TTL: variants seen among roughly 807,000 people sequenced by gnomAD.
TTL encodes the protein tubulin tyrosine ligase.
A neutral mutation model predicts 41.1 loss-of-function variants in TTL; 10 were observed. That is an observed-to-expected ratio of 0.24 (90% CI 0.15 to 0.41). TTL has a LOEUF of 0.41. Among genes scored for constraint, TTL ranks in the 10% least tolerant of loss-of-function variants. The pLI, the probability that TTL is intolerant of heterozygous loss-of-function variation, is 1.00. For missense variants in TTL, 367 were observed against 460.4 expected (o/e 0.80, Z 1.86); for synonymous variants, 175 against 175.5 (o/e 1.00, Z 0.02).
At chr2:112,515,417 T>C (rs558175953) in intron 5 of TTL, among the ~76,000 whole-genome samples, 14 of 152,126 alleles carry the variant, frequency 9.2e-5, no homozygotes, top group African/African-American at 3.4e-4. Flanking sequence ...TTCTATTGTC[T>C]CTTTTTTCTC....
intron 2 of TTL, among the ~76,000 whole-genome samples, chr2:112,490,700 T>A (rs1330032307): frequency 6.7e-6 from 1 of 148,638 alleles, no homozygotes; most frequent in Non-Finnish European, 1.5e-5. Flanking sequence ...GCCTCCCAAG[T>A]AGCTGGGATT....
At chr2:112,485,867 C>T (rs376010029) in intron 1 of TTL, 50 bp from the exon 2 acceptor site, 1 of 1,524,532 alleles carries the variant, frequency 6.6e-7, no homozygotes, top group Admixed American at 1.7e-5. Flanking sequence ...TGTCCTCTCT[C>T]CTGCTTGCTG....
chr2:112,497,042 G>A (rs1362846175), intron 3 of TTL, among the ~76,000 whole-genome samples: 10 of 151,864 alleles, frequency 6.6e-5, no homozygotes, highest in Non-Finnish European at 1.5e-4. Flanking sequence ...GGATGGTCTC[G>A]ATCTCCTGAC....
In TTL at chr2:112,541,388, G is replaced by A. The variant is rs768183794; in HGVS notation, c.*12593G>A. The A allele has an allele frequency of 6.6e-6, 1 of 152,214 alleles. No individual in the cohort carries two copies. Among genetic ancestry groups the A allele is most frequent in the African/African-American group, 2.4e-5 (1 of 41,432 alleles). 9.4% of individuals were successfully genotyped at this position (152,214 alleles called of 1,614,324 possible). A position where few individuals can be genotyped will look rare whatever the true frequency, so the allele number is the denominator to read the frequency against. The stretch of plus-strand genomic sequence containing the variant: ...TGGCCGGGCGCGCGCGGTGGCTCAT[G>A]CCTGTAATCCCAGCATTTAGGGAGG... On this transcript the variant is annotated 3_prime_UTR_variant, in exon 7 of 7. Transcript: ENST00000233336.
chr2:112,482,561 G>C lies in TTL; in HGVS notation c.157+60G>C, dbSNP rs1681120020. 2 of 1,509,216 alleles carry C rather than the reference G, an allele frequency of 1.3e-6. No individual in the cohort carries two copies. The highest frequency in any genetic ancestry group is 1.8e-6 in the Non-Finnish European group (2 of 1,124,652). 93.5% of individuals were successfully genotyped at this position (1,509,216 alleles called of 1,614,324 possible). ...GGAGCGGCCCTGCGCGCCTCCCGCGGCCCGTTAGAACCGGCGCTTTTGTTT... is the reference window on the plus strand; with the variant it reads ...GGAGCGGCCCTGCGCGCCTCCCGCGCCCCGTTAGAACCGGCGCTTTTGTTT... On this transcript the variant is annotated intron_variant, in intron 1 of 6. Transcript: ENST00000233336. The surrounding 1 kb of genome is among the most constrained non-coding windows in gnomAD (Gnocchi z 5.3).
At chr2:112,490,741 T>TTTTG (rs1681360749) in intron 2 of TTL, among the ~76,000 whole-genome samples, 1 of 151,224 alleles carries the variant, frequency 6.6e-6, no homozygotes, top group African/African-American at 2.4e-5. Context: ...CTGGCTAGTT[T>TTTTG]TTTGTATTTT....
rs973196983 is a variant in TTL at position 112,496,599 on chromosome 2, G to A, written c.469+2224G>A. On this transcript the variant is annotated intron_variant, in intron 3 of 6. Coordinates refer to ENST00000233336, the MANE Select transcript of TTL (RefSeq NM_153712.5). ...ACTATTACAGATAACAGTAGTAAAT[G>A]TCTTTGCTGTAGATGACCCTTGTTT... Among the ~76,000 whole-genome samples, 6 of 150,572 alleles carry A rather than the reference G, an allele frequency of 4.0e-5. No individual in the cohort carries two copies. The South Asian group carries it at 6.3e-4, about 16-fold the overall frequency.
intron 6 of TTL, among the ~76,000 whole-genome samples, chr2:112,525,634 T>A (rs1682352556): frequency 6.6e-6 from 1 of 152,224 alleles, no homozygotes; most frequent in Admixed American, 6.5e-5. Flanking sequence ...GCACATCAAT[T>A]TTGTATCCTG....
At chr2:112,495,841 A>G (rs1320901198) in intron 3 of TTL, among the ~76,000 whole-genome samples, 1 of 146,316 alleles carries the variant, frequency 6.8e-6, no homozygotes, top group Non-Finnish European at 1.5e-5. Context: ...CTCCTTCTCA[A>G]AAATTAAAAA....
chr2:112,529,024 A>G lies in TTL; in HGVS notation c.*229A>G, dbSNP rs147516566. ...AGTGCTGTTGAGACTTTTGAAAACAACTTTGGTACACAAAGGCAGCTTTGT... is the reference window on the plus strand; with the variant it reads ...AGTGCTGTTGAGACTTTTGAAAACAGCTTTGGTACACAAAGGCAGCTTTGT... On this transcript the variant is annotated 3_prime_UTR_variant, in exon 7 of 7. Coordinates refer to ENST00000233336, the MANE Select transcript of TTL (RefSeq NM_153712.5). 83 of 558,786 alleles carry G rather than the reference A, an allele frequency of 1.5e-4. No homozygotes were observed. The highest frequency in any genetic ancestry group is 1.4e-3 in the African/African-American group (73 of 53,174). The allele number at this position is 558,786 out of a possible 1,614,324, so 34.6% of individuals were successfully genotyped here. A position where few individuals can be genotyped will look rare whatever the true frequency, so the allele number is the denominator to read the frequency against.
intron 2 of TTL, among the ~76,000 whole-genome samples, chr2:112,492,304 GGCCTGAC>G (rs1384896725): frequency 1.3e-4 from 20 of 152,300 alleles, no homozygotes; most frequent in African/African-American, 4.8e-4. Context: ...TTAAATTTTA[GGCCTGAC>G]CCAGTGGCTC....
At chr2:112,493,048 AATTT>A (rs1229096570) in intron 2 of TTL, among the ~76,000 whole-genome samples, 3 of 152,226 alleles carry the variant, frequency 2.0e-5, no homozygotes, top group African/African-American at 7.2e-5. Context: ...GTGAGTTAAA[AATTT>A]ATTTATTTTG....
chr2:112,501,459 C>A (rs982244848), intron 4 of TTL, 118 bp downstream of exon 4: 12 of 827,736 alleles, frequency 1.4e-5, no homozygotes, highest in Non-Finnish European at 2.1e-5. Flanking sequence ...AATATGTTAC[C>A]AAAATTGAGC....
rs781421279 is a variant in TTL at position 112,537,699 on chromosome 2, A to T, written c.*8904A>T. ...AAATATGACAATTATAAACATATGTACCTAGCAATACAGCCTAAAGATACA... is the reference window on the plus strand; with the variant it reads ...AAATATGACAATTATAAACATATGTTCCTAGCAATACAGCCTAAAGATACA... On this transcript the variant is annotated 3_prime_UTR_variant, in exon 7 of 7. Transcript: ENST00000233336. 2.6e-5 allele frequency: 4 copies of T among 152,238 alleles called. No individual in the cohort carries two copies. The highest frequency in any genetic ancestry group is 5.9e-5 in the Non-Finnish European group (4 of 68,042). 9.4% of individuals were successfully genotyped at this position (152,238 alleles called of 1,614,324 possible). A position where few individuals can be genotyped will look rare whatever the true frequency, so the allele number is the denominator to read the frequency against.
intron 6 of TTL, 187 bp downstream of exon 6, chr2:112,520,612 A>G (rs1021308706): frequency 3.5e-6 from 2 of 577,118 alleles, no homozygotes; most frequent in African/African-American, 4.9e-5. Flanking sequence ...TTCCCCGTGT[A>G]TAGGCCAGAT....
intron 4 of TTL, 41 bp from the exon 5 acceptor site, chr2:112,502,869 CTT>C: frequency 6.4e-7 from 1 of 1,570,244 alleles, no homozygotes; most frequent in Non-Finnish European, 8.6e-7. Context: ...TATGCAGAAA[CTT>C]TGGATGACTT....
At position 112,528,841 on chromosome 2, in the gene TTL, C is replaced by G. The variant is rs779745818; in HGVS notation, c.*46C>G. 4.9e-6 allele frequency: 7 copies of G among 1,425,644 alleles called. No homozygotes were observed. The South Asian group carries it at 6.9e-5, about 14-fold the overall frequency. The allele number at this position is 1,425,644 out of a possible 1,614,324, so 88.3% of individuals were successfully genotyped here. A position where few individuals can be genotyped will look rare whatever the true frequency, so the allele number is the denominator to read the frequency against. ...CTTGGAAAAAGCACGGGGTCCTGCT[C>G]CAGGGAATGGTGAAATGACTGGATT... On this transcript the variant is annotated 3_prime_UTR_variant, in exon 7 of 7. Transcript: ENST00000233336.
intron 6 of TTL, among the ~76,000 whole-genome samples, chr2:112,524,411 A>G (rs1409021074): frequency 6.6e-6 from 1 of 152,218 alleles, no homozygotes; most frequent in Non-Finnish European, 1.5e-5. Context: ...AGCCCCACCA[A>G]CAGTGTAAAA....
rs549709419 is a variant in TTL at position 112,509,674 on chromosome 2, C to T, written c.875+6493C>T. Among the ~76,000 whole-genome samples the T allele has an allele frequency of 2.9e-4, 44 of 152,306 alleles. 1 individual carries two copies. Among genetic ancestry groups the T allele is most frequent in the African/African-American group, 1.0e-3 (42 of 41,570 alleles). On this transcript the variant is annotated intron_variant, in intron 5 of 6. Transcript: ENST00000233336. ...GGCAATGCCTCGCCCTGCTTCGGCT[C>T]GCGCACGGTGCGCACACACACTGGC...
Sources: gnomAD v4.1 joint callset for allele counts (sites outside exome capture counted in the v4.1 genomes callset) on GRCh38, gnomAD v4.1.1 for gene constraint, Gnocchi (gnomAD v3.1) non-coding constraint, MANE v1.5 for transcripts, NCBI Gene and HGNC (gene_info 2026-07-23, HGNC 2026-07-21) for gene names.